Variants in MICAL2 observed in about 807,000 individuals in gnomAD.
MICAL2 encodes the protein microtubule associated monooxygenase, calponin and LIM domain containing 2, also known as [F-actin]-monooxygenase MICAL2.
Under a neutral mutation model 127.3 loss-of-function variants are expected in MICAL2, and 77 were observed. That is an observed-to-expected ratio of 0.60 (90% CI 0.50 to 0.73). The LOEUF is 0.73. Among genes scored for constraint, MICAL2 ranks in the 30% least tolerant of loss-of-function variants. The pLI, the probability that MICAL2 is intolerant of heterozygous loss-of-function variation, is 0.00. For missense variants in MICAL2, 1,351 were observed against 1,434.4 expected, an observed-to-expected ratio of 0.94 and a Z score of 0.94; for synonymous variants, 570 against 551.1, an observed-to-expected ratio of 1.03 and a Z score of -0.48.
chr11:12,358,523 T>C, downstream of MICAL2: 1 of 1,587,282 alleles, frequency 6.3e-7, no homozygotes. Flanking sequence ...TGGGACCGGA[T>C]CAGGCCAAGT....
At chr11:12,344,321 A>G (rs2134887618) in intron 32 of MICAL2, among the ~76,000 whole-genome samples, 1 of 152,050 alleles carries the variant, frequency 6.6e-6, no homozygotes, top group Non-Finnish European at 1.5e-5. Flanking sequence ...AACAAAAAAC[A>G]AAAGAAAAGA....
At chr11:12,250,780 C>G (rs1409289530) in intron 22 of MICAL2, among the ~76,000 whole-genome samples, 1 of 152,212 alleles carries the variant, frequency 6.6e-6, no homozygotes, top group Non-Finnish European at 1.5e-5. Flanking sequence ...ACCAGATCAT[C>G]AGATTGTCCA....
chr11:12,195,687 A>G (rs1302926415), intron 3 of MICAL2, among the ~76,000 whole-genome samples: 4 of 148,000 alleles, frequency 2.7e-5, no homozygotes, highest in African/African-American at 5.0e-5. Context: ...AGGCCCGTGT[A>G]TTTTCTGCAA....
intron 29 of MICAL2, among the ~76,000 whole-genome samples, chr11:12,313,313 G>A (rs1864196055): frequency 6.6e-6 from 1 of 152,136 alleles, no homozygotes; most frequent in Non-Finnish European, 1.5e-5. Flanking sequence ...AAGGGGTTCT[G>A]GTTGTTATGA....
intron 1 of MICAL2, among the ~76,000 whole-genome samples, chr11:12,119,725 T>A (rs138108027): frequency 3.4e-4 from 52 of 152,246 alleles, no homozygotes; most frequent in African/African-American, 1.2e-3. Flanking sequence ...TGGGGTAGTT[T>A]CAAATGACAC....
At chr11:12,163,110 C>G (rs1855029131) in intron 3 of MICAL2, among the ~76,000 whole-genome samples, 1 of 152,174 alleles carries the variant, frequency 6.6e-6, no homozygotes, top group East Asian at 1.9e-4. Flanking sequence ...TAGGACCACA[C>G]TCATAGTTAA....
downstream of MICAL2, among the ~76,000 whole-genome samples, chr11:12,267,994 C>T (rs190591002): frequency 1.3e-3 from 195 of 152,332 alleles, 1 homozygote; most frequent in African/African-American, 1.9e-3. Flanking sequence ...TCTTGGTTGC[C>T]TTTCAATGCT....
intron 9 of MICAL2, 127 bp downstream of exon 9, chr11:12,220,585 G>C: frequency 7.5e-7 from 1 of 1,341,008 alleles, no homozygotes; most frequent in Non-Finnish European, 1.0e-6. Flanking sequence ...GCAGGACTCT[G>C]CCAAGCCTGT....
chr11:12,146,324 A>T (rs1446342751), intron 2 of MICAL2, among the ~76,000 whole-genome samples: 1 of 152,264 alleles, frequency 6.6e-6, no homozygotes, highest in Non-Finnish European at 1.5e-5. Flanking sequence ...CATCTGACAA[A>T]GGGCTAATAT....
At chr11:12,140,390 T>A (rs1346951310) in intron 2 of MICAL2, among the ~76,000 whole-genome samples, 3 of 152,164 alleles carry the variant, frequency 2.0e-5, no homozygotes, top group Non-Finnish European at 2.9e-5. Context: ...CTACTGTTTA[T>A]AAATTCCATG....
intron 7 of MICAL2, 100 bp downstream of exon 7, chr11:12,213,510 G>A (rs1415099573): frequency 9.8e-6 from 12 of 1,223,802 alleles, no homozygotes; most frequent in Non-Finnish European, 1.3e-5. Flanking sequence ...CTTGGGCCTC[G>A]AGGGACTCAC....
At chr11:12,258,119 G>C (rs536438049) in intron 24 of MICAL2, among the ~76,000 whole-genome samples, 3 of 152,328 alleles carry the variant, frequency 2.0e-5, no homozygotes, top group African/African-American at 7.2e-5. Context: ...AGATGGAAAA[G>C]AGGCATGGGG....
chr11:12,183,384 C>T (rs1372218353), intron 3 of MICAL2, among the ~76,000 whole-genome samples: 4 of 152,124 alleles, frequency 2.6e-5, no homozygotes, highest in Admixed American at 2.6e-4. Context: ...AGAGTCATGG[C>T]CTGGTGGACA....
intron 29 of MICAL2, among the ~76,000 whole-genome samples, chr11:12,299,150 A>T (rs1493962): frequency 6.6e-6 from 1 of 152,200 alleles, no homozygotes; most frequent in African/African-American, 2.4e-5. Flanking sequence ...TAGAGTTAGC[A>T]CTGGAAGTAG....
At position 12,241,081 on chromosome 11, in the gene MICAL2, T is replaced by C. The variant is rs1565229882; in HGVS notation, c.2256T>C (p.Ser752=). ...GGATAGGTAAGCCGGTCCTGTGCTC[T>C]TCCTCCGGCCCTCCTGTTCACTCTT... ...VSGIGKPVLC[S]SSGPPVHSCC... Residue 752 remains serine (S), a synonymous_variant, in exon 18 of 28, where the codon TCT becomes TCC. Coordinates refer to ENST00000683283, the MANE Select transcript of MICAL2 (RefSeq NM_001282663.2). The C allele has an allele frequency of 6.2e-7, 1 of 1,614,176 alleles. No homozygotes were observed. The highest frequency in any genetic ancestry group is 1.3e-5 in the African/African-American group (1 of 75,056).
chr11:12,117,174 G>T (rs1268890132), intron 1 of MICAL2, among the ~76,000 whole-genome samples: 3 of 152,172 alleles, frequency 2.0e-5, no homozygotes, highest in Non-Finnish European at 4.4e-5. Context: ...CTGGTTTGGG[G>T]CTCAGGTTTT....
rs552963953 is a variant in MICAL2 at position 12,285,166 on chromosome 11, A to C, written c.255-1921A>C. On this transcript the variant is annotated intron_variant, in intron 2 of 2. Transcript: ENST00000529028. ...TAGGGAGTCAAAGCTGTCCTCTTGC[A>C]CTGAGTCAGTTCCTGAGTGGGGGCT... Among the ~76,000 whole-genome samples, 7 of 152,250 alleles carry C rather than the reference A, an allele frequency of 4.6e-5. No individual in the cohort carries two copies. The South Asian group carries it at 1.5e-3, about 32-fold the overall frequency.
At chr11:12,230,023 G>T (rs1858011593) in intron 15 of MICAL2, among the ~76,000 whole-genome samples, 1 of 152,222 alleles carries the variant, frequency 6.6e-6, no homozygotes, top group African/African-American at 2.4e-5. Context: ...CTTCCTGTGG[G>T]TGGGTTAGGT....
At chr11:12,334,057 A>G (rs1938699712) in intron 32 of MICAL2, among the ~76,000 whole-genome samples, 2 of 152,164 alleles carry the variant, frequency 1.3e-5, no homozygotes, top group Admixed American at 1.3e-4. Flanking sequence ...GAAAATTGAA[A>G]CTTGAGATGT....
Sources: gnomAD v4.1 joint callset for allele counts (sites outside exome capture counted in the v4.1 genomes callset) on GRCh38, gnomAD v4.1.1 for gene constraint, MANE v1.5 for transcripts, NCBI Gene and HGNC (gene_info 2026-07-23, HGNC 2026-07-21) for gene names.